The following CDH18 variants were observed in gnomAD, a reference collection of about 807,000 sequenced individuals.
The protein encoded by CDH18 is cadherin 18, also known as cadherin-18.
In CDH18, 31 loss-of-function variants were observed where a neutral mutation model predicts 67.9. The ratio of observed to expected loss-of-function variants is 0.46; its 90% CI spans 0.34 to 0.62. The LOEUF is 0.62. CDH18 is among the 20% of genes least tolerant of loss of function. The probability of loss-of-function intolerance (pLI) is 0.01; values close to 1 mark genes in which losing one functional copy is unlikely to be tolerated. For missense variants in CDH18, 890 were observed against 975.5 expected (o/e 0.91, Z 1.17); for synonymous variants, 362 against 347.2 (o/e 1.04, Z -0.48).
At chr5:19,522,831 G>A (rs981422552) in intron 9 of CDH18, among the ~76,000 whole-genome samples, 1 of 150,062 alleles carries the variant, frequency 6.7e-6, no homozygotes, top group Non-Finnish European at 1.5e-5. Flanking sequence ...GGAGGCGGAG[G>A]CTGCAGCGAG....
In CDH18 at chr5:20,550,076, T is replaced by C. The variant is rs574998680; in HGVS notation, c.-580+25386A>G. ...GCTCATATATTTGGAAAACAAAAAC[T>C]CTCTCATATAAGACAATGTGTTCAA... On this transcript the variant is annotated intron_variant, in intron 1 of 14. Coordinates refer to the CDH18 transcript ENST00000507958. Among the ~76,000 whole-genome samples, 9 of 152,234 alleles carry C rather than the reference T, an allele frequency of 5.9e-5. No homozygotes were observed. In the South Asian group the frequency reaches 1.9e-3, roughly 32 times the overall value.
At chr5:19,548,304 TA>T (rs3036706) in intron 8 of CDH18, among the ~76,000 whole-genome samples, 85,658 of 148,884 alleles carry the variant, frequency 0.58, 25,252 homozygotes, top group Middle Eastern at 0.7. Flanking sequence ...GATTTTAAAT[TA>T]AAAAAAAAAA....
intron 1 of CDH18, among the ~76,000 whole-genome samples, chr5:20,446,161 T>C (rs1452463450): frequency 1.3e-5 from 2 of 152,152 alleles, no homozygotes; most frequent in Admixed American, 6.5e-5. Context: ...AACTCGAAGA[T>C]ACAGTTTTAG....
chr5:19,725,160 T>G (rs1009689537), intron 4 of CDH18, among the ~76,000 whole-genome samples: 2 of 151,990 alleles, frequency 1.3e-5, no homozygotes, highest in Non-Finnish European at 2.9e-5. Context: ...TCTCCTGACC[T>G]CGTGATCCAC....
At chr5:19,477,167 C>A (rs143698919) in intron 12 of CDH18, among the ~76,000 whole-genome samples, 1 of 148,630 alleles carries the variant, frequency 6.7e-6, no homozygotes, top group African/African-American at 2.5e-5. Context: ...TGTATAAAAT[C>A]AAAATCTGAG....
chr5:20,006,701 A>C (rs185366359), intron 2 of CDH18, among the ~76,000 whole-genome samples: 2 of 152,146 alleles, frequency 1.3e-5, no homozygotes, highest in Admixed American at 1.3e-4. Context: ...TATTATAAAG[A>C]TATAATGTTG....
At chr5:19,699,509 C>G (rs1227871720) in intron 5 of CDH18, among the ~76,000 whole-genome samples, 2 of 151,900 alleles carry the variant, frequency 1.3e-5, no homozygotes, top group South Asian at 2.1e-4. Context: ...TAGATGGGGC[C>G]TTTGAGAGGT....
chr5:20,434,574 A>T (rs771807377), intron 1 of CDH18, among the ~76,000 whole-genome samples: 69 of 152,052 alleles, frequency 4.5e-4, no homozygotes, highest in Non-Finnish European at 8.7e-4. Context: ...TTTAAAAAAA[A>T]TAGCTGGTAT....
chr5:19,987,153 G>T (rs746774021), intron 1 of CDH18, among the ~76,000 whole-genome samples: 36 of 152,060 alleles, frequency 2.4e-4, no homozygotes, highest in Middle Eastern at 3.4e-3. Flanking sequence ...AATGCAATGA[G>T]ACATTGAAAT....
intron 2 of CDH18, among the ~76,000 whole-genome samples, chr5:20,253,775 T>G (rs978214823): frequency 3.9e-5 from 6 of 152,184 alleles, no homozygotes; most frequent in Non-Finnish European, 5.9e-5. Flanking sequence ...TATGACCCAT[T>G]GGCATTCCTG....
intron 4 of CDH18, among the ~76,000 whole-genome samples, chr5:19,737,781 TACAA>T (rs1359220043): frequency 3.3e-5 from 5 of 152,212 alleles, no homozygotes; most frequent in South Asian, 4.1e-4. Flanking sequence ...TATAAAATGA[TACAA>T]ACAATTTTAA....
intron 1 of CDH18, chr5:20,305,109 A>G: frequency 6.4e-7 from 1 of 1,554,202 alleles, no homozygotes; most frequent in Non-Finnish European, 8.9e-7. Context: ...TTGCAGCAAG[A>G]GAACCAAAGG....
intron 5 of CDH18, among the ~76,000 whole-genome samples, chr5:19,641,167 G>A (rs547322006): frequency 9.6e-4 from 139 of 144,520 alleles, no homozygotes; most frequent in Middle Eastern, 7.4e-3. Context: ...AGCCAGAATT[G>A]ATCAATAACA....
At chr5:19,905,442 T>A in intron 2 of CDH18, among the ~76,000 whole-genome samples, 1 of 149,268 alleles carries the variant, frequency 6.7e-6, no homozygotes, top group Non-Finnish European at 1.5e-5. Context: ...TATTGGAAGA[T>A]AAATTGTATG....
At chr5:20,092,616 A>G (rs1185171134) in intron 2 of CDH18, among the ~76,000 whole-genome samples, 4 of 152,192 alleles carry the variant, frequency 2.6e-5, no homozygotes, top group Admixed American at 2.0e-4. Context: ...TCATGAAAAT[A>G]TATATGTGTA....
intron 4 of CDH18, among the ~76,000 whole-genome samples, chr5:19,727,793 T>C (rs185103314): frequency 1.3e-5 from 2 of 152,336 alleles, no homozygotes; most frequent in Admixed American, 1.3e-4. Context: ...AAATAAAAAG[T>C]TATTGTTACA....
At chr5:19,960,584 T>TATATATATATATACACAC (rs1561635424) in intron 2 of CDH18, among the ~76,000 whole-genome samples, 1 of 123,460 alleles carries the variant, frequency 8.1e-6, no homozygotes, top group African/African-American at 4.8e-5. Context: ...TGTGTGTGTG[T>TATATATATATATACACAC]GTGTGTATAT....
At chr5:20,528,737 T>A (rs947927298) in intron 1 of CDH18, among the ~76,000 whole-genome samples, 2 of 152,086 alleles carry the variant, frequency 1.3e-5, no homozygotes, top group South Asian at 4.1e-4. Flanking sequence ...GGGACACAGC[T>A]AAAGCAGTGT....
chr5:20,343,807 C>T (rs1157660022), intron 1 of CDH18, among the ~76,000 whole-genome samples: 1 of 152,100 alleles, frequency 6.6e-6, no homozygotes, highest in African/African-American at 2.4e-5. Flanking sequence ...TCTAATGGGT[C>T]TACCATTAAA....
Sources: gnomAD v4.1 joint callset for allele counts (sites outside exome capture counted in the v4.1 genomes callset) on GRCh38, gnomAD v4.1.1 for gene constraint, MANE v1.5 for transcripts, NCBI Gene and HGNC (gene_info 2026-07-23, HGNC 2026-07-21) for gene names.